FGF13: variants seen among roughly 807,000 people sequenced by gnomAD.
The protein encoded by FGF13 is fibroblast growth factor homologous factor 2.
Under a neutral mutation model 19.5 loss-of-function variants are expected in FGF13, and 2 were observed. The observed-to-expected ratio is 0.10, with a 90% CI of 0.04 to 0.32. FGF13 has a LOEUF of 0.32. Among genes scored for constraint, FGF13 ranks in the 10% least tolerant of loss-of-function variants. The pLI is 1.00. For missense variants in FGF13, 113 were observed against 192.7 expected (o/e 0.59, Z 2.45); for synonymous variants, 72 against 76.9 (o/e 0.94, Z 0.33).
At chrX:139,181,482 G>A (rs2084237187) in intron 1 of FGF13, among the ~76,000 whole-genome samples, 1 of 113,013 alleles carries the variant, frequency 8.8e-6, no homozygotes, top group Non-Finnish European at 1.9e-5. Flanking sequence ...ACTGCAGAGA[G>A]TCCAGGCCTT....
chrX:138,831,656 C>G (rs1330364174), intron 3 of FGF13, among the ~76,000 whole-genome samples: 1 of 109,942 alleles, frequency 9.1e-6, no homozygotes, highest in Non-Finnish European at 1.9e-5. Flanking sequence ...TTATTTTTTC[C>G]TTGCTATTCC....
intron 3 of FGF13, among the ~76,000 whole-genome samples, chrX:138,784,466 T>C (rs2090677270): frequency 9.0e-6 from 1 of 110,966 alleles, no homozygotes; most frequent in African/African-American, 3.3e-5. Flanking sequence ...AATGATCTTC[T>C]TGTCATTATG....
intron 3 of FGF13, among the ~76,000 whole-genome samples, chrX:138,694,421 A>G (rs1461286038): frequency 5.7e-5 from 6 of 104,649 alleles, no homozygotes; most frequent in Admixed American, 2.0e-4. Context: ...TTGGAAATAC[A>G]TGTTAATTTT....
intron 1 of FGF13, among the ~76,000 whole-genome samples, chrX:138,905,101 A>G (rs934213783): frequency 5.4e-5 from 6 of 111,528 alleles, no homozygotes; most frequent in African/African-American, 2.0e-4. Context: ...CTCTATGTCC[A>G]GATTGGGTTG....
chrX:139,204,022 G>A (rs1318633720), upstream of FGF13: 8 of 1,199,051 alleles, frequency 6.7e-6, no homozygotes. Flanking sequence ...GGGAAACGAA[G>A]GAAAGGAAAG....
At chrX:139,049,975 A>G (rs1348280550) in intron 1 of FGF13, among the ~76,000 whole-genome samples, 1 of 112,135 alleles carries the variant, frequency 8.9e-6, no homozygotes, top group Non-Finnish European at 1.9e-5. Context: ...ATAGTAACAT[A>G]TATTCACCAC....
chrX:138,894,782 A>C (rs2091494967), intron 1 of FGF13, among the ~76,000 whole-genome samples: 1 of 111,907 alleles, frequency 8.9e-6, no homozygotes, highest in African/African-American at 3.3e-5. Context: ...AATCAATAGA[A>C]AAAGAGGGAA....
intron 3 of FGF13, among the ~76,000 whole-genome samples, chrX:138,804,614 G>A (rs2090852612): frequency 8.9e-6 from 1 of 111,905 alleles, no homozygotes; most frequent in African/African-American, 3.2e-5. Flanking sequence ...GATCTTCCTG[G>A]TTTATAAATG....
At chrX:138,739,470 T>C, upstream of FGF13, 1 of 333,567 alleles carries the variant, frequency 3.0e-6, no homozygotes. Context: ...TCCCAGATCA[T>C]TAATGATTCA....
At chrX:138,995,053 A>G (rs2092035731) in intron 1 of FGF13, among the ~76,000 whole-genome samples, 1 of 108,878 alleles carries the variant, frequency 9.2e-6, no homozygotes, top group East Asian at 2.9e-4. Context: ...ACATTGTATC[A>G]CTGAAAGAGG....
chrX:139,013,559 G>T (rs1319813821), intron 1 of FGF13, among the ~76,000 whole-genome samples: 1 of 94,457 alleles, frequency 1.1e-5, no homozygotes, highest in Admixed American at 1.3e-4. Flanking sequence ...GCCATAAAAA[G>T]GAATGAAATA....
At chrX:139,147,995 C>G (rs773486358) in intron 1 of FGF13, among the ~76,000 whole-genome samples, 1 of 111,203 alleles carries the variant, frequency 9.0e-6, no homozygotes, top group East Asian at 2.9e-4. Context: ...GTGGATGTAT[C>G]ACCACTCAGC....
intron 1 of FGF13, among the ~76,000 whole-genome samples, chrX:138,931,697 T>C (rs1021088878): frequency 6.3e-5 from 7 of 111,743 alleles, no homozygotes; most frequent in African/African-American, 2.3e-4. Flanking sequence ...CAAAAGCCTG[T>C]GTATTTCTAG....
chrX:139,075,219 C>T (rs1224408333), intron 1 of FGF13, among the ~76,000 whole-genome samples: 1 of 111,555 alleles, frequency 9.0e-6, no homozygotes, highest in Non-Finnish European at 1.9e-5. Context: ...CTCCCATTAC[C>T]CAGACTCTAT....
rs181832440 is a variant in FGF13 at position 139,119,164 on chromosome X, C to T, written c.-113+84252G>A. Among the ~76,000 whole-genome samples, 923 of 111,825 alleles carry T rather than the reference C, an allele frequency of 8.3e-3. 11 individuals are homozygous for T. Among genetic ancestry groups the T allele is most frequent in the African/African-American group, 0.027 (841 of 30,775 alleles). ...AGCTATGATTGTGCCACTGCACTCC[C>T]GTCTGGACAACAGAGCAAGACTCTG... On this transcript the variant is annotated intron_variant, in intron 1 of 2. Coordinates refer to the FGF13 transcript ENST00000421460.
chrX:138,729,491 C>A (rs918088327), intron 1 of FGF13, among the ~76,000 whole-genome samples: 13 of 108,284 alleles, frequency 1.2e-4, no homozygotes, highest in South Asian at 1.2e-3. Flanking sequence ...AGAAAACAGT[C>A]AAAAAAAATT....
chrX:139,065,512 AG>A (rs1244597957), intron 1 of FGF13, among the ~76,000 whole-genome samples: 1 of 108,386 alleles, frequency 9.2e-6, no homozygotes, highest in Non-Finnish European at 1.9e-5. Flanking sequence ...GAAAAAAGAA[AG>A]GGGGGTTGCA....
At chrX:139,192,354 G>C (rs933427688) in intron 1 of FGF13, among the ~76,000 whole-genome samples, 1 of 111,899 alleles carries the variant, frequency 8.9e-6, no homozygotes, top group Non-Finnish European at 1.9e-5. Flanking sequence ...GGGGAGTCCT[G>C]TGATTGTCTC....
chrX:139,104,614 C>T (rs1474119430), intron 1 of FGF13, among the ~76,000 whole-genome samples: 2 of 111,715 alleles, frequency 1.8e-5, no homozygotes, highest in African/African-American at 6.5e-5. Context: ...GGCTTATAAA[C>T]ACCATAAATG....
Sources: allele counts gnomAD v4.1 joint callset (sites outside exome capture counted in the v4.1 genomes callset), GRCh38; gene constraint gnomAD v4.1.1; transcripts MANE v1.5; gene names NCBI Gene and HGNC (gene_info 2026-07-23, HGNC 2026-07-21).